ZRANB3: variants seen among roughly 807,000 people sequenced by gnomAD.
ZRANB3 encodes zinc finger RANBP2-type containing 3.
A neutral mutation model predicts 133.8 loss-of-function variants in ZRANB3; 125 were observed. That is an observed-to-expected ratio of 0.93 (90% CI 0.81 to 1.08). The LOEUF (loss-of-function observed/expected upper bound fraction) is 1.08. Ranked by LOEUF, ZRANB3 falls within the 50% of genes least tolerant of loss-of-function variation. The probability of loss-of-function intolerance (pLI) is 0.00; values close to 1 mark genes in which losing one functional copy is unlikely to be tolerated. For synonymous variants in ZRANB3, 387 were observed against 432.7 expected (o/e 0.89, Z 1.31); for missense variants, 1,229 against 1,275.5 (o/e 0.96, Z 0.56).
intron 1 of ZRANB3, among the ~76,000 whole-genome samples, chr2:135,520,537 C>T (rs1398838556): frequency 6.6e-6 from 1 of 151,766 alleles, no homozygotes. Context: ...CTCAGCCTCT[C>T]AAACAGCTTG....
intron 1 of ZRANB3, among the ~76,000 whole-genome samples, chr2:135,519,516 G>A (rs1031048357): frequency 2.0e-5 from 3 of 152,148 alleles, no homozygotes; most frequent in Admixed American, 6.6e-5. Flanking sequence ...AACAGCAGAA[G>A]TAAGACCTAT....
chr2:135,493,311 G>C (rs571810627), intron 2 of ZRANB3, among the ~76,000 whole-genome samples: 1 of 150,322 alleles, frequency 6.7e-6, no homozygotes, highest in Admixed American at 6.6e-5. Context: ...TTTTATTAAA[G>C]TTAAAATTTT....
At chr2:135,272,854 A>G (rs1397623952) in intron 9 of ZRANB3, among the ~76,000 whole-genome samples, 1 of 152,092 alleles carries the variant, frequency 6.6e-6, no homozygotes, top group East Asian at 1.9e-4. Context: ...GAGTTGAGAC[A>G]AGGGGGTTAT....
At chr2:135,408,696 A>T (rs953021469) in intron 2 of ZRANB3, among the ~76,000 whole-genome samples, 2 of 152,126 alleles carry the variant, frequency 1.3e-5, no homozygotes, top group Non-Finnish European at 2.9e-5. Flanking sequence ...GAAACTGGAA[A>T]CCATCATTCT....
At chr2:135,205,126 C>T (rs368475822) in intron 19 of ZRANB3, among the ~76,000 whole-genome samples, 1 of 151,980 alleles carries the variant, frequency 6.6e-6, no homozygotes, top group Non-Finnish European at 1.5e-5. Context: ...GCAGAAATGC[C>T]GATTAATTCA....
At chr2:135,381,955 C>T (rs763578166) in intron 3 of ZRANB3, among the ~76,000 whole-genome samples, 81 of 152,300 alleles carry the variant, frequency 5.3e-4, no homozygotes, top group Non-Finnish European at 8.5e-4. Flanking sequence ...TCCAGAGGAA[C>T]GCAGCCCCTC....
chr2:135,341,936 G>A lies in ZRANB3; in HGVS notation c.677+3614C>T, dbSNP rs183662176. Among the ~76,000 whole-genome samples the A allele has an allele frequency of 6.4e-4, 96 of 150,028 alleles. 10 individuals are homozygous for A. Among genetic ancestry groups the A allele is most frequent in the African/African-American group, 2.4e-3 (93 of 39,382 alleles). ...ATCAAAGATAATGGGTGCACAGTGG[G>A]ACATGAACTTAATCAGCAATTCTAG... On this transcript the variant is annotated intron_variant, in intron 6 of 20. Coordinates refer to ENST00000264159, the MANE Select transcript of ZRANB3 (RefSeq NM_032143.4).
chr2:135,381,020 A>T (rs1686665060), intron 3 of ZRANB3, among the ~76,000 whole-genome samples: 1 of 152,158 alleles, frequency 6.6e-6, no homozygotes, highest in Admixed American at 6.6e-5. Flanking sequence ...CAGAGGATGC[A>T]GTGCATTGAG....
chr2:135,469,999 G>A (rs1691182229), intron 2 of ZRANB3, among the ~76,000 whole-genome samples: 1 of 140,462 alleles, frequency 7.1e-6, no homozygotes. Flanking sequence ...GTGACAGAGC[G>A]AGACTCTTAC....
chr2:135,230,004 G>A (rs1205549182), intron 13 of ZRANB3, among the ~76,000 whole-genome samples: 1 of 152,152 alleles, frequency 6.6e-6, no homozygotes, highest in African/African-American at 2.4e-5. Context: ...GTTCACAAAT[G>A]AAGATTGATC....
At chr2:135,316,603 AT>A (rs1683263663) in intron 6 of ZRANB3, among the ~76,000 whole-genome samples, 1 of 152,216 alleles carries the variant, frequency 6.6e-6, no homozygotes, top group Non-Finnish European at 1.5e-5. Context: ...AATTTGAGAA[AT>A]GTGGAACTCG....
intron 12 of ZRANB3, among the ~76,000 whole-genome samples, chr2:135,249,707 T>A (rs1486402830): frequency 6.6e-6 from 1 of 152,198 alleles, no homozygotes; most frequent in Non-Finnish European, 1.5e-5. Flanking sequence ...TTATCACGGG[T>A]TTCCGCTTTT....
intron 3 of ZRANB3, 102 bp downstream of exon 3, chr2:135,390,698 TAC>T (rs1687186215): frequency 1.5e-6 from 2 of 1,299,414 alleles, no homozygotes; most frequent in Non-Finnish European, 2.1e-6. Context: ...CATCCCCATA[TAC>T]AGACATATAG....
rs566809643 is a variant in ZRANB3 at position 135,391,138 on chromosome 2, C to T, written c.162-318G>A. 5.3e-5 allele frequency among the ~76,000 whole-genome samples: 8 copies of T among 152,186 alleles called. No homozygotes were observed. The South Asian group carries it at 1.2e-3, about 24-fold the overall frequency. The stretch of plus-strand genomic sequence containing the variant: ...CCTCCCAAAGTGCTGAGATTACAGG[C>T]GTGAGCAACTGTGCCCGGCCAAAGT... On this transcript the variant is annotated intron_variant, in intron 2 of 20. Transcript: ENST00000264159.
intron 6 of ZRANB3, among the ~76,000 whole-genome samples, chr2:135,340,776 A>ATTTTTCCCCTATGCATATGGC: frequency 1.1e-4 from 15 of 139,610 alleles, no homozygotes; most frequent in African/African-American, 4.7e-4. Context: ...GAATTGCTTG[A>ATTTTTCCCCTATGCATATGGC]ACCTAGGAGG....
chr2:135,379,995 A>C (rs1375500690), intron 3 of ZRANB3, among the ~76,000 whole-genome samples: 2 of 152,176 alleles, frequency 1.3e-5, no homozygotes, highest in Non-Finnish European at 2.9e-5. Flanking sequence ...AGCAAAAAAA[A>C]AGCAGGGGTT....
intron 1 of ZRANB3, chr2:135,511,938 C>T (rs561955872): frequency 6.6e-6 from 5 of 755,522 alleles, no homozygotes; most frequent in African/African-American, 5.1e-5. Context: ...CCTTCTCCAT[C>T]ACCATTGCTT....
At chr2:135,402,250 A>G (rs1191046846) in intron 2 of ZRANB3, among the ~76,000 whole-genome samples, 1 of 151,642 alleles carries the variant, frequency 6.6e-6, no homozygotes, top group Admixed American at 6.6e-5. Context: ...TAATATTTCA[A>G]TGTAAACTTT....
Position 135,286,949 on chromosome 2 carries a change from T to C in ZRANB3, c.967-11194A>G, listed in dbSNP as rs887696721. Among the ~76,000 whole-genome samples, 3 of 152,204 alleles carry C rather than the reference T, an allele frequency of 2.0e-5. No individual in the cohort carries two copies. In the East Asian group the frequency reaches 5.8e-4, roughly 29 times the overall value. On this transcript the variant is annotated intron_variant, in intron 8 of 20. Coordinates refer to ENST00000264159, the MANE Select transcript of ZRANB3 (RefSeq NM_032143.4). ...TTTAAGTCTCATCTATTTATCTTTG[T>C]TTTTGTTGCATTTGCTTTTGGGTTC... is the stretch of plus-strand genomic sequence containing the variant.
Sources: gnomAD v4.1 joint callset for allele counts (sites outside exome capture counted in the v4.1 genomes callset) on GRCh38, gnomAD v4.1.1 for gene constraint, MANE v1.5 for transcripts, NCBI Gene and HGNC (gene_info 2026-07-23, HGNC 2026-07-21) for gene names.